The following VARS2 variants were observed in gnomAD, a reference collection of about 807,000 sequenced individuals.
VARS2 encodes the protein valyl-tRNA synthetase 2, mitochondrial.
In VARS2, 105 loss-of-function variants were observed where a neutral mutation model predicts 154.1. That is an observed-to-expected ratio of 0.68 (90% CI 0.58 to 0.80). The LOEUF (loss-of-function observed/expected upper bound fraction) is 0.80. VARS2 is among the 30% of genes least tolerant of loss of function. The pLI is 0.00. For missense variants in VARS2, 1,157 were observed against 1,361.4 expected (o/e 0.85, Z 2.36); for synonymous variants, 483 against 539.5 (o/e 0.90, Z 1.45).
rs1436928874 is a variant in VARS2, at chr6:30,923,525, G to T, written c.2466+20G>T. The T allele has an allele frequency of 2.5e-6, 4 of 1,600,620 alleles. No homozygotes were observed. The highest frequency in any genetic ancestry group is 8.5e-7 in the Non-Finnish European group (1 of 1,173,564). On this transcript the variant is annotated intron_variant, in intron 25 of 29. Coordinates refer to ENST00000676266, the MANE Select transcript of VARS2 (RefSeq NM_020442.6). ...TACCTGGTGAGTGAGGCTGGGGGAG[G>T]CTTGGTATTCCCATGCCTGCTTCTA...
In VARS2 at chr6:30,916,378, G is replaced by A; in HGVS notation, c.671+129G>A. 1 of 759,742 alleles carries A rather than the reference G, an allele frequency of 1.3e-6. No individual in the cohort carries two copies. The highest frequency in any genetic ancestry group is 2.1e-6 in the Non-Finnish European group (1 of 475,306). The allele number at this position is 759,742 out of a possible 1,614,324, so 47.1% of individuals were successfully genotyped here. On this transcript the variant is annotated intron_variant, in intron 7 of 29. Transcript: ENST00000676266. The surrounding 1 kb of genome is among the most constrained non-coding windows in gnomAD (Gnocchi z 4.0). ...AGCTCTGACTTCCTCAGAGATGGAA[G>A]CTCTGGAGCCTGTTAACATTTGGTG...
At chr6:30,915,533 G>A in intron 4 of VARS2, 78 bp downstream of exon 4, 2 of 1,498,952 alleles carry the variant, frequency 1.3e-6, no homozygotes, top group East Asian at 2.3e-5. Context: ...CCTCAGAGTT[G>A]AGCTCACATT....
chr6:30,921,931 A>T lies in VARS2; in HGVS notation c.1742A>T (p.Asp581Val). Residue 581 changes from aspartate to valine, a missense_variant, in exon 19 of 30, where the codon GAT (aspartate) becomes GTT (valine). Asp to Val is a radical substitution (Grantham distance 152, BLOSUM62 -3). Coordinates refer to ENST00000676266, the MANE Select transcript of VARS2 (RefSeq NM_020442.6). The surrounding 1 kb of genome is among the most constrained non-coding windows in gnomAD (Gnocchi z 4.6). ...GAELTLERDP[D>V]VLDTWFSSAL... is the part of the protein sequence containing the mutation. ...TTCTTTTTCTGTTTCCCAGATCCTG[A>T]TGTCCTAGACACATGGTTTTCTTCT... 1 of 1,612,958 alleles carries T rather than the reference A, an allele frequency of 6.2e-7. No individual in the cohort carries two copies. The highest frequency in any genetic ancestry group is 8.5e-7 in the Non-Finnish European group (1 of 1,179,992).
In VARS2 at chr6:30,923,238, G is replaced by A. The variant is rs1352575061; in HGVS notation, c.2313+7G>A. On this transcript the variant is annotated splice_region_variant and intron_variant, in intron 24 of 29. Coordinates refer to ENST00000676266, the MANE Select transcript of VARS2 (RefSeq NM_020442.6). Reference sequence around the variant, plus strand: ...GCCACAGCCTGCTGAGGAGGTAAGAGAAAACAGAGGTGCTTGGGAGTAGGG... The same window carrying A: ...GCCACAGCCTGCTGAGGAGGTAAGAAAAAACAGAGGTGCTTGGGAGTAGGG... 1 of 1,613,114 alleles carries A rather than the reference G, an allele frequency of 6.2e-7. No individual in the cohort carries two copies. The highest frequency in any genetic ancestry group is 2.2e-5 in the East Asian group (1 of 44,886).
At position 30,916,527 on chromosome 6, in the gene VARS2, C is replaced by T. The variant is rs1794190300; in HGVS notation, c.671+278C>T. The T allele has an allele frequency of 5.9e-6, 2 of 341,602 alleles. No individual in the cohort carries two copies. The highest frequency in any genetic ancestry group is 2.2e-4 in the South Asian group (2 of 8,958). 21.2% of individuals were successfully genotyped at this position (341,602 alleles called of 1,614,324 possible). On this transcript the variant is annotated intron_variant, in intron 7 of 29. Coordinates refer to ENST00000676266, the MANE Select transcript of VARS2 (RefSeq NM_020442.6). This position sits in a 1 kb window ranked among gnomAD's most constrained non-coding sequence, Gnocchi z 4.0. ...TTTCTCTTTACTTACCCCAATTTCT[C>T]TTGTCTAAATCTCACCTTCTTCCAC... is the stretch of plus-strand genomic sequence containing the variant.
At position 30,921,540 on chromosome 6, in the gene VARS2, C is replaced by T. The variant is rs758604216; in HGVS notation, c.1633-49C>T. 6.4e-7 allele frequency: 1 copy of T among 1,561,428 alleles called. No homozygotes were observed. Among genetic ancestry groups the T allele is most frequent in the African/African-American group, 1.3e-5 (1 of 74,446 alleles). On this transcript the variant is annotated intron_variant, in intron 17 of 29. Transcript: ENST00000676266. This position sits in a 1 kb window ranked among gnomAD's most constrained non-coding sequence, Gnocchi z 4.6. ...CGTGAAAACCAAGTGACATTTACAC[C>T]TGTCAGCTGTTCTTCCTCACTCTCC...
Position 30,916,907 on chromosome 6 carries a change from G to A in VARS2, c.701G>A (p.Arg234Gln), listed in dbSNP as rs907185126. 7 of 1,614,060 alleles carry A rather than the reference G, an allele frequency of 4.3e-6. No individual in the cohort carries two copies. The highest frequency in any genetic ancestry group is 5.9e-6 in the Non-Finnish European group (7 of 1,180,050). ...AKGGEICEQL[R>Q]ALGASLDWDR... Reference sequence around the variant, plus strand: ...GGTGGAGAGATCTGTGAGCAGCTGCGAGCTCTGGGTGCCTCCCTGGACTGG... The same window carrying A: ...GGTGGAGAGATCTGTGAGCAGCTGCAAGCTCTGGGTGCCTCCCTGGACTGG... The change falls in exon 8 of 30, where the codon CGA (arginine) becomes CAA (glutamine). Residue 234 changes from arginine (R) to glutamine (Q), a missense_variant. By Grantham distance (43) the Arg-to-Gln change is conservative (BLOSUM62 1). Transcript: ENST00000676266. The surrounding 1 kb of genome is among the most constrained non-coding windows in gnomAD (Gnocchi z 4.0).
In VARS2 at chr6:30,922,544, T is replaced by A; in HGVS notation, c.2027T>A (p.Val676Glu). The A allele has an allele frequency of 6.4e-7, 1 of 1,561,296 alleles. No homozygotes were observed. Among genetic ancestry groups the A allele is most frequent in the Non-Finnish European group, 8.7e-7 (1 of 1,153,700 alleles). ...GACCCAAGAGACATCATCAGTGGGG[T>A]GGAGATGCAGGTGAGGACGAAGCAC... ...VLDPRDIISG[V>E]EMQVLQEKLR... The change falls in exon 21 of 30, where the codon GTG (valine) becomes GAG (glutamate). Residue 676 changes from valine (V) to glutamate (E), a missense_variant. Coordinates refer to ENST00000676266, the MANE Select transcript of VARS2 (RefSeq NM_020442.6).
At chr6:30,918,504 C>T (rs958975997) in intron 10 of VARS2, among the ~76,000 whole-genome samples, 4 of 152,206 alleles carry the variant, frequency 2.6e-5, no homozygotes, top group Non-Finnish European at 1.5e-5. Context: ...GATTAGGACA[C>T]TGAGAATCCC....
chr6:30,920,669 C>G lies in VARS2; in HGVS notation c.1399C>G (p.Arg467Gly). 1 of 1,579,840 alleles carries G rather than the reference C, an allele frequency of 6.3e-7. No homozygotes were observed. The highest frequency in any genetic ancestry group is 2.3e-5 in the East Asian group (1 of 44,258). Residue 467 changes from arginine to glycine, a missense_variant and splice_region_variant, in exon 15 of 30, where the codon CGT (arginine) becomes GGT (glycine). Arg to Gly is a moderately radical substitution (Grantham distance 125). Coordinates refer to ENST00000676266, the MANE Select transcript of VARS2 (RefSeq NM_020442.6). This position sits in a 1 kb window ranked among gnomAD's most constrained non-coding sequence, Gnocchi z 4.6. ...GGACTCACCCTGTCTCTCTTTCAGCCGTTCTGGGGATGTGATAGAATACCT... is the reference window on the plus strand; with the variant it reads ...GGACTCACCCTGTCTCTCTTTCAGCGGTTCTGGGGATGTGATAGAATACCT... The part of the protein sequence containing the change: ...NHPMVLPICS[R>G]SGDVIEYLLK...
intron 11 of VARS2, 26 bp downstream of exon 11, chr6:30,918,941 C>G: frequency 6.3e-7 from 1 of 1,592,924 alleles, no homozygotes; most frequent in South Asian, 1.1e-5. Context: ...CTCCTGCACT[C>G]TGGCCCGCCC....
chr6:30,915,910 T>C (rs1250560003), intron 5 of VARS2, 43 bp downstream of exon 5: 2 of 1,613,616 alleles, frequency 1.2e-6, no homozygotes, highest in Non-Finnish European at 8.5e-7. Flanking sequence ...GGAAGGGAAA[T>C]AGGAAGGGCA....
At chr6:30,918,360 C>G (rs138641860) in intron 10 of VARS2, among the ~76,000 whole-genome samples, 2,098 of 152,344 alleles carry the variant, frequency 0.014, 48 homozygotes, top group African/African-American at 0.047. Context: ...GCCACTGCAC[C>G]TGGCCTCTAA....
rs560996066 is a variant in VARS2, at chr6:30,916,692, C to G, written c.672-186C>G. On this transcript the variant is annotated intron_variant, in intron 7 of 29. Coordinates refer to ENST00000676266, the MANE Select transcript of VARS2 (RefSeq NM_020442.6). The surrounding 1 kb of genome is among the most constrained non-coding windows in gnomAD (Gnocchi z 4.0). Reference sequence around the variant, plus strand: ...TCTCTTCCTATAGAATCTTTTGCCTCTTTTAATATCTTAGAAAACCCCATA... The same window carrying G: ...TCTCTTCCTATAGAATCTTTTGCCTGTTTTAATATCTTAGAAAACCCCATA... 28 of 624,748 alleles carry G rather than the reference C, an allele frequency of 4.5e-5. No individual in the cohort carries two copies. Among genetic ancestry groups the G allele is most frequent in the Non-Finnish European group, 7.1e-5 (25 of 350,926 alleles). 38.7% of individuals were successfully genotyped at this position (624,748 alleles called of 1,614,324 possible). A position where few individuals can be genotyped will look rare whatever the true frequency, so the allele number is the denominator to read the frequency against.
rs1562447232 is a variant in VARS2 at position 30,915,771 on chromosome 6, A to G, written c.410A>G (p.Glu137Gly). ...YQARLPQATG[E>G]TFSMCIPPPN... ...GCCCGGCTGCCCCAAGCTACAGGGG[A>G]GACCTTTTCCATGTGTATCCCACCT... The change falls in exon 5 of 30, where the codon GAG becomes GGG. Residue 137 changes from glutamate (E) to glycine (G), a missense_variant. Physicochemically the swap from Glu to Gly is moderately conservative, Grantham distance 98 (BLOSUM62 -2). Coordinates refer to ENST00000676266, the MANE Select transcript of VARS2 (RefSeq NM_020442.6). 2 of 1,613,318 alleles carry G rather than the reference A, an allele frequency of 1.2e-6. No homozygotes were observed. The highest frequency in any genetic ancestry group is 2.7e-5 in the African/African-American group (2 of 74,832).
At position 30,916,555 on chromosome 6, in the gene VARS2, GC is replaced by G. The variant is rs1445370199; in HGVS notation, c.671+309del. ...GTCTAAATCTCACCTTCTTCCACTCGCCCATTCCCACCTTTCAATTCCCATG... is the reference window on the plus strand; with the variant it reads ...GTCTAAATCTCACCTTCTTCCACTCGCCATTCCCACCTTTCAATTCCCATG... On this transcript the variant is annotated intron_variant, in intron 7 of 29. Transcript: ENST00000676266. This position sits in a 1 kb window ranked among gnomAD's most constrained non-coding sequence, Gnocchi z 4.0. 1.1e-5 allele frequency: 2 copies of G among 183,210 alleles called. No homozygotes were observed. The highest frequency in any genetic ancestry group is 7.7e-5 in the East Asian group (1 of 13,018). 11.3% of individuals were successfully genotyped at this position (183,210 alleles called of 1,614,324 possible).
intron 4 of VARS2, 86 bp downstream of exon 4, chr6:30,915,541 A>T: frequency 6.8e-7 from 1 of 1,476,852 alleles, no homozygotes; most frequent in Non-Finnish European, 9.3e-7. Flanking sequence ...TTGAGCTCAC[A>T]TTGTAGACCT....
At chr6:30,922,054 C>T in intron 19 of VARS2, 59 bp downstream of exon 19, 29 of 1,612,240 alleles carry the variant, frequency 1.8e-5, no homozygotes, top group Non-Finnish European at 2.4e-5. Flanking sequence ...GATGGCTGGG[C>T]CCCCACAGAG....
Position 30,919,136 on chromosome 6 carries a change from T to A in VARS2, c.1074+221T>A. ...TAATCCAGCTTGCGGCCTTTTTTTT[T>A]GAGACAGAGTCTCGCTCTGTCACCA... On this transcript the variant is annotated intron_variant, in intron 11 of 29. Transcript: ENST00000676266. The surrounding 1 kb of genome is among the most constrained non-coding windows in gnomAD (Gnocchi z 4.5). 1 of 518,180 alleles carries A rather than the reference T, an allele frequency of 1.9e-6. No individual in the cohort carries two copies. The highest frequency in any genetic ancestry group is 3.5e-6 in the Non-Finnish European group (1 of 287,328). The allele number at this position is 518,180 out of a possible 1,614,324, so 32.1% of individuals were successfully genotyped here. A position where few individuals can be genotyped will look rare whatever the true frequency, so the allele number is the denominator to read the frequency against.
Sources: gnomAD v4.1 joint callset for allele counts (sites outside exome capture counted in the v4.1 genomes callset) on GRCh38, gnomAD v4.1.1 for gene constraint, Gnocchi (gnomAD v3.1) non-coding constraint, MANE v1.5 for transcripts, NCBI Gene and HGNC (gene_info 2026-07-23, HGNC 2026-07-21) for gene names.